The following SEC61A1 variants were observed in gnomAD, a reference collection of about 807,000 sequenced individuals.
The protein encoded by SEC61A1 is SEC61 translocon subunit alpha 1, also known as protein transport protein Sec61 subunit alpha isoform 1.
In SEC61A1, 15 loss-of-function variants were observed where a neutral mutation model predicts 55.2. The ratio of observed to expected loss-of-function variants is 0.27; its 90% CI spans 0.18 to 0.42. The LOEUF (loss-of-function observed/expected upper bound fraction) is 0.42, where lower values mean the gene tolerates loss of function less well. Ranked by LOEUF, SEC61A1 falls within the 10% of genes least tolerant of loss-of-function variation. The pLI is 1.00. For missense variants in SEC61A1, 284 were observed against 602.6 expected, an observed-to-expected ratio of 0.47 and a Z score of 5.53; for synonymous variants, 247 against 234.0, an observed-to-expected ratio of 1.06 and a Z score of -0.51.
chr3:128,065,430 C>T (rs951708308), intron 8 of SEC61A1, among the ~76,000 whole-genome samples: 2 of 152,186 alleles, frequency 1.3e-5, no homozygotes, highest in Non-Finnish European at 2.9e-5. Flanking sequence ...GGCCTATCTT[C>T]TTAAGCTGTC....
At chr3:128,051,794 C>T (rs1941676664), upstream of SEC61A1, 1 of 1,532,392 alleles carries the variant, frequency 6.5e-7, no homozygotes, top group African/African-American at 1.4e-5. Context: ...GCTGCCCCGG[C>T]CCTTCTCCGG....
At chr3:128,068,133 A>G in intron 11 of SEC61A1, 74 bp downstream of exon 11, 1 of 1,139,604 alleles carries the variant, frequency 8.8e-7, no homozygotes, top group East Asian at 2.4e-5. Flanking sequence ...GGGCATCCTG[A>G]TAGGCCCTAG....
chr3:128,068,376 C>T (rs1559799522), intron 11 of SEC61A1, among the ~76,000 whole-genome samples: 1 of 152,176 alleles, frequency 6.6e-6, no homozygotes, highest in Non-Finnish European at 1.5e-5. Context: ...GGACCCTCAC[C>T]CTGGCTCATG....
chr3:128,052,447 T>C lies in SEC61A1; in HGVS notation c.-106T>C. 1 of 1,436,214 alleles carries C rather than the reference T, an allele frequency of 7.0e-7. No individual in the cohort carries two copies. Among genetic ancestry groups the C allele is most frequent in the Non-Finnish European group, 9.2e-7 (1 of 1,092,432 alleles). 89.0% of individuals were successfully genotyped at this position (1,436,214 alleles called of 1,614,324 possible). A position where few individuals can be genotyped will look rare whatever the true frequency, so the allele number is the denominator to read the frequency against. On this transcript the variant is annotated 5_prime_UTR_variant, in exon 1 of 12. Transcript: ENST00000243253. ...CGCCGGGCTAGCACTGACGTGTCTC[T>C]CGGCGGAGCTGCTGTGCAGTGGAAC...
chr3:128,057,996 T>A (rs1475044388), intron 5 of SEC61A1, among the ~76,000 whole-genome samples: 7 of 152,120 alleles, frequency 4.6e-5, no homozygotes, highest in Admixed American at 1.3e-4. Flanking sequence ...ATGGGGATAA[T>A]AATGGTATTT....
chr3:128,062,178 T>C (rs1457667106), intron 7 of SEC61A1, among the ~76,000 whole-genome samples: 2 of 152,186 alleles, frequency 1.3e-5, no homozygotes, highest in African/African-American at 4.8e-5. Flanking sequence ...TACATGTCAG[T>C]TGCTCGTGTT....
chr3:128,067,145 C>T lies in SEC61A1; in HGVS notation c.969C>T (p.Thr323=). The change falls in exon 9 of 12, where the codon ACC becomes ACT. Residue 323 remains threonine (T), a synonymous_variant. Transcript: ENST00000243253. This position sits in a 1 kb window ranked among gnomAD's most constrained non-coding sequence, Gnocchi z 4.1. Reference sequence around the variant, plus strand: ...ACTTGCTGGTCAGCCTGCTGGGCACCTGGTCGGTAAGTAGGCTCTTTGAAG... The same window carrying T: ...ACTTGCTGGTCAGCCTGCTGGGCACTTGGTCGGTAAGTAGGCTCTTTGAAG... The part of the protein sequence containing the change: ...SGNLLVSLLG[T]WSDTSSGGPA... 1 of 1,614,168 alleles carries T rather than the reference C, an allele frequency of 6.2e-7. No individual in the cohort carries two copies. Among genetic ancestry groups the T allele is most frequent in the South Asian group, 1.1e-5 (1 of 91,080 alleles).
intron 5 of SEC61A1, among the ~76,000 whole-genome samples, chr3:128,057,298 G>T (rs939786128): frequency 3.3e-5 from 5 of 152,236 alleles, no homozygotes; most frequent in Non-Finnish European, 5.9e-5. Context: ...TCCATGCCCT[G>T]TGTTAGCGTG....
chr3:128,052,807 T>C (rs765935857), intron 1 of SEC61A1, 28 bp from the exon 2 acceptor site: 11 of 1,601,402 alleles, frequency 6.9e-6, no homozygotes, highest in African/African-American at 1.3e-5. Flanking sequence ...GTGTCCCAAC[T>C]CTTCCTGTTT....
chr3:128,058,875 A>G (rs1183700407), intron 5 of SEC61A1, among the ~76,000 whole-genome samples: 1 of 152,204 alleles, frequency 6.6e-6, no homozygotes. Flanking sequence ...AAACACTAAG[A>G]AAACAAAAAA....
chr3:128,063,880 T>C (rs1941891083), intron 7 of SEC61A1, among the ~76,000 whole-genome samples: 1 of 152,204 alleles, frequency 6.6e-6, no homozygotes, highest in South Asian at 2.1e-4. Context: ...ACTTAGGCCT[T>C]AATAATGCAC....
upstream of SEC61A1, among the ~76,000 whole-genome samples, chr3:128,052,188 C>G (rs541433776): frequency 6.6e-6 from 1 of 151,910 alleles, no homozygotes; most frequent in South Asian, 2.1e-4. Context: ...ACCCTCCCCG[C>G]GCGCTCTCGC....
Position 128,056,789 on chromosome 3 carries a change from G to A in SEC61A1, c.301G>A (p.Glu101Lys). The A allele has an allele frequency of 6.2e-7, 1 of 1,610,798 alleles. No homozygotes were observed. The highest frequency in any genetic ancestry group is 8.5e-7 in the Non-Finnish European group (1 of 1,178,444). ...MQLLAGAKII[E>K]VGDTPKDRAL... ...ACTCTTGGCTGGCGCCAAGATAATT[G>A]AAGTTGGTGACACCCCAAAAGACCG... is the stretch of plus-strand genomic sequence containing the variant. The change falls in exon 5 of 12, where the codon GAA becomes AAA. Residue 101 changes from glutamate to lysine, a missense_variant. Coordinates refer to ENST00000243253, the MANE Select transcript of SEC61A1 (RefSeq NM_013336.4).
At position 128,067,726 on chromosome 3, in the gene SEC61A1, G is replaced by A. The variant is rs1035695562; in HGVS notation, c.1167+114G>A. On this transcript the variant is annotated intron_variant, in intron 10 of 11. Transcript: ENST00000243253. This position sits in a 1 kb window ranked among gnomAD's most constrained non-coding sequence, Gnocchi z 4.1. ...CTGTGACGTGTGCAGATAGATCGTC[G>A]TCCTTTAGGGGGCAGTTCAGAAGCT... The A allele has an allele frequency of 3.3e-5, 29 of 869,506 alleles. No homozygotes were observed. Among genetic ancestry groups the A allele is most frequent in the Non-Finnish European group, 4.4e-5 (25 of 565,300 alleles). The allele number at this position is 869,506 out of a possible 1,614,324, so 53.9% of individuals were successfully genotyped here.
At chr3:128,060,376 C>A in intron 6 of SEC61A1, 132 bp from the exon 7 acceptor site, 3 of 1,137,464 alleles carry the variant, frequency 2.6e-6, no homozygotes, top group Non-Finnish European at 2.6e-6. Flanking sequence ...GCTTTACTGA[C>A]CGCTCTCTGG....
chr3:128,067,077 C>G lies in SEC61A1; in HGVS notation c.901C>G (p.Leu301Val). The G allele has an allele frequency of 6.2e-7, 1 of 1,614,202 alleles. No individual in the cohort carries two copies. Among genetic ancestry groups the G allele is most frequent in the Non-Finnish European group, 8.5e-7 (1 of 1,180,034 alleles). Residue 301 changes from leucine to valine, a missense_variant, in exon 9 of 12, where the codon CTT (leucine) becomes GTT (valine). By Grantham distance (32) the Leu-to-Val change is conservative. Transcript: ENST00000243253. This position sits in a 1 kb window ranked among gnomAD's most constrained non-coding sequence, Gnocchi z 4.1. ...CCTGCAGTCTGCCCTGGTGTCCAAC[C>G]TTTATGTCATCTCCCAAATGCTCTC... The part of the protein sequence containing the change: ...IILQSALVSN[L>V]YVISQMLSAR...
intron 7 of SEC61A1, among the ~76,000 whole-genome samples, chr3:128,063,795 G>A (rs550376288): frequency 6.6e-6 from 1 of 152,300 alleles, no homozygotes; most frequent in African/African-American, 2.4e-5. Context: ...TCCTGGAACG[G>A]CAGAGGTTAT....
chr3:128,060,224 C>A lies in SEC61A1; in HGVS notation c.462+13C>A. The A allele has an allele frequency of 1.3e-6, 2 of 1,556,824 alleles. No individual in the cohort carries two copies. Among genetic ancestry groups the A allele is most frequent in the Non-Finnish European group, 1.8e-6 (2 of 1,127,670 alleles). On this transcript the variant is annotated intron_variant, in intron 6 of 11. Coordinates refer to ENST00000243253, the MANE Select transcript of SEC61A1 (RefSeq NM_013336.4). ...AATCACCATTCAGGTAATTATTATG[C>A]TAACATCTCCCTTTGAGTAGCCCCT... is the stretch of plus-strand genomic sequence containing the variant.
At chr3:128,069,417 C>A in intron 11 of SEC61A1, 59 bp from the exon 12 acceptor site, 1 of 1,534,410 alleles carries the variant, frequency 6.5e-7, no homozygotes, top group Non-Finnish European at 8.8e-7. Flanking sequence ...GCCTGTTGGC[C>A]GCCTGGCTCA....
Sources: gnomAD v4.1 joint callset for allele counts (sites outside exome capture counted in the v4.1 genomes callset) on GRCh38, gnomAD v4.1.1 for gene constraint, Gnocchi (gnomAD v3.1) non-coding constraint, MANE v1.5 for transcripts, NCBI Gene and HGNC (gene_info 2026-07-23, HGNC 2026-07-21) for gene names.